Variants in CEP85L observed in about 807,000 individuals in gnomAD.
CEP85L encodes the protein centrosomal protein of 85 kDa-like.
In CEP85L, 60 loss-of-function variants were observed where a neutral mutation model predicts 100.3. The observed-to-expected ratio is 0.60, with a 90% CI of 0.49 to 0.74. CEP85L has a LOEUF of 0.74. Ranked by LOEUF, CEP85L falls within the 30% of genes least tolerant of loss-of-function variation. CEP85L has a pLI of 0.00. For missense variants in CEP85L, 973 were observed against 936.2 expected, an observed-to-expected ratio of 1.04 and a Z score of -0.51; for synonymous variants, 319 against 322.7, an observed-to-expected ratio of 0.99 and a Z score of 0.12.
At chr6:118,543,533 C>T (rs373421287) in intron 3 of CEP85L, among the ~76,000 whole-genome samples, 19 of 152,258 alleles carry the variant, frequency 1.2e-4, no homozygotes, top group African/African-American at 4.6e-4. Context: ...TCAGATTTAT[C>T]TGACTTTTCT....
intron 5 of CEP85L, among the ~76,000 whole-genome samples, chr6:118,495,979 C>T (rs1774893218): frequency 6.6e-6 from 1 of 152,186 alleles, no homozygotes; most frequent in South Asian, 2.1e-4. Context: ...TGCCAACCAA[C>T]ACCACAGCTG....
chr6:118,609,056 A>C (rs1181110895), intron 2 of CEP85L, among the ~76,000 whole-genome samples: 4 of 152,230 alleles, frequency 2.6e-5, no homozygotes, highest in African/African-American at 9.6e-5. Context: ...AATCATTTCA[A>C]AATAAAAATT....
intron 8 of CEP85L, among the ~76,000 whole-genome samples, chr6:118,481,091 A>C (rs766124983): frequency 7.2e-5 from 11 of 152,062 alleles, no homozygotes; most frequent in Non-Finnish European, 1.6e-4. Flanking sequence ...AGAAGTAAGT[A>C]AATCTGGAAG....
chr6:118,632,831 G>A (rs1250416761), intron 1 of CEP85L, among the ~76,000 whole-genome samples: 2 of 152,182 alleles, frequency 1.3e-5, no homozygotes, highest in Non-Finnish European at 2.9e-5. Context: ...GAAGAACTCT[G>A]TTTTCTGCTT....
At chr6:118,669,257 A>T (rs1045036351) in intron 1 of CEP85L, among the ~76,000 whole-genome samples, 44 of 152,216 alleles carry the variant, frequency 2.9e-4, no homozygotes, top group African/African-American at 1.0e-3. Flanking sequence ...CCATCCTCTG[A>T]TGCGTTTCAG....
chr6:118,589,519 G>C, intron 2 of CEP85L: 1 of 253,500 alleles, frequency 3.9e-6, no homozygotes, highest in Non-Finnish European at 8.6e-6. Context: ...CCTCTGAGAA[G>C]ACTAACAAGA....
chr6:118,560,871 T>C (rs1036796873), intron 3 of CEP85L: 4 of 152,356 alleles, frequency 2.6e-5, no homozygotes, highest in African/African-American at 9.6e-5. Context: ...TAAAATAGTT[T>C]ACACCTATAC....
At chr6:118,659,371 T>TA in intron 1 of CEP85L, among the ~76,000 whole-genome samples, 1 of 152,348 alleles carries the variant, frequency 6.6e-6, no homozygotes, top group East Asian at 1.9e-4. Context: ...ATCTTTATAA[T>TA]AGACTTTATA....
chr6:118,533,439 A>G lies in CEP85L; in HGVS notation c.1021-9519T>C, dbSNP rs190797489. Among the ~76,000 whole-genome samples the G allele has an allele frequency of 6.6e-5, 10 of 150,742 alleles. No individual in the cohort carries two copies. In the East Asian group the frequency reaches 1.9e-3, roughly 29 times the overall value. ...TATGAAATAATCTGAATGTCCTATA[A>G]ACTATTAGAGTAATTGAATTTATAA... On this transcript the variant is annotated intron_variant, in intron 3 of 12. Coordinates refer to ENST00000368491, the MANE Select transcript of CEP85L (RefSeq NM_001042475.3).
At chr6:118,647,046 T>A (rs557228084) in intron 1 of CEP85L, 1 of 985,426 alleles carries the variant, frequency 1.0e-6, no homozygotes, top group African/African-American at 1.7e-5. Flanking sequence ...ATACCTATTA[T>A]GAAAGAACAT....
At chr6:118,594,071 G>A (rs746880509) in intron 2 of CEP85L, among the ~76,000 whole-genome samples, 3 of 151,900 alleles carry the variant, frequency 2.0e-5, no homozygotes, top group Admixed American at 6.6e-5. Flanking sequence ...TTCGCCTATC[G>A]TAACGCTCCT....
chr6:118,486,465 T>C (rs1774194751), intron 6 of CEP85L, among the ~76,000 whole-genome samples: 1 of 152,214 alleles, frequency 6.6e-6, no homozygotes, highest in Non-Finnish European at 1.5e-5. Flanking sequence ...AAAGGTAACA[T>C]TATTATTACC....
At chr6:118,701,634 G>C (rs1020299494) in intron 1 of CEP85L, among the ~76,000 whole-genome samples, 16 of 152,322 alleles carry the variant, frequency 1.1e-4, no homozygotes, top group African/African-American at 3.8e-4. Flanking sequence ...AAGGGAGAGG[G>C]AGAGAGAAAG....
rs544623638 is a variant in CEP85L at position 118,465,777 on chromosome 6, T to C, written c.2255-209A>G. On this transcript the variant is annotated intron_variant, in intron 12 of 12. Transcript: ENST00000368491. ...TATAAATTTCACAAATTAAACTGAA[T>C]TAAATGCACACAGTGATACACACAA... Among the ~76,000 whole-genome samples, 7 of 152,252 alleles carry C rather than the reference T, an allele frequency of 4.6e-5. No homozygotes were observed. The South Asian group carries it at 1.5e-3, about 32-fold the overall frequency.
chr6:118,651,983 G>T, upstream of CEP85L: 1 of 827,616 alleles, frequency 1.2e-6, no homozygotes, highest in African/African-American at 1.8e-5. Context: ...CGGCTGAGGG[G>T]GCTTCCAGCC....
At chr6:118,678,496 C>A (rs1283313290) in intron 1 of CEP85L, among the ~76,000 whole-genome samples, 1 of 152,212 alleles carries the variant, frequency 6.6e-6, no homozygotes, top group Non-Finnish European at 1.5e-5. Context: ...ACACATCCTC[C>A]TCTGTACTTC....
upstream of CEP85L, chr6:118,651,689 GGGGA>G: frequency 1.5e-6 from 1 of 660,332 alleles, no homozygotes; most frequent in Non-Finnish European, 1.8e-6. Flanking sequence ...CGCGCGGGGC[GGGGA>G]CTGCGGGGGG....
intron 2 of CEP85L, among the ~76,000 whole-genome samples, chr6:118,583,032 G>A (rs919996292): frequency 3.3e-5 from 5 of 152,176 alleles, no homozygotes; most frequent in African/African-American, 4.8e-5. Flanking sequence ...TATCAATGTG[G>A]CAAGTCAGGG....
chr6:118,470,484 G>A, intron 11 of CEP85L, 53 bp downstream of exon 11: 1 of 978,582 alleles, frequency 1.0e-6, no homozygotes, highest in Non-Finnish European at 1.5e-6. Context: ...TATAAAATAA[G>A]CATTTTATAG....
Sources: gnomAD v4.1 joint callset for allele counts (sites outside exome capture counted in the v4.1 genomes callset) on GRCh38, gnomAD v4.1.1 for gene constraint, MANE v1.5 for transcripts, NCBI Gene and HGNC (gene_info 2026-07-23, HGNC 2026-07-21) for gene names.